CLSTN2: variants seen among roughly 807,000 people sequenced by gnomAD.
The protein encoded by CLSTN2 is calsyntenin 2, also known as calsyntenin-2.
Under a neutral mutation model 101.2 loss-of-function variants are expected in CLSTN2, and 48 were observed. That is an observed-to-expected ratio of 0.47 (90% CI 0.38 to 0.60). CLSTN2 has a LOEUF of 0.60. CLSTN2 is among the 20% of genes least tolerant of loss of function. The pLI, the probability that CLSTN2 is intolerant of heterozygous loss-of-function variation, is 0.00. For missense variants in CLSTN2, 1,160 were observed against 1,238.2 expected, an observed-to-expected ratio of 0.94 and a Z score of 0.95; for synonymous variants, 481 against 463.6, an observed-to-expected ratio of 1.04 and a Z score of -0.48.
At chr3:140,556,832 TCC>T in intron 11 of CLSTN2, 171 bp downstream of exon 11, 2 of 621,104 alleles carry the variant, frequency 3.2e-6, no homozygotes, top group East Asian at 2.8e-5. Context: ...CTTGTTTTCT[TCC>T]TAAGCAAGAT....
intron 1 of CLSTN2, among the ~76,000 whole-genome samples, chr3:140,134,635 A>G (rs2009572448): frequency 6.6e-6 from 1 of 152,146 alleles, no homozygotes; most frequent in African/African-American, 2.4e-5. Context: ...TCAGCTTAGG[A>G]GAGGATAACT....
chr3:140,432,914 T>G (rs1053903851), intron 5 of CLSTN2, among the ~76,000 whole-genome samples: 2 of 152,218 alleles, frequency 1.3e-5, no homozygotes, highest in East Asian at 1.9e-4. Context: ...GGGCATTCAT[T>G]GCATGCACGT....
intron 1 of CLSTN2, among the ~76,000 whole-genome samples, chr3:139,963,984 C>A (rs189008209): frequency 2.0e-5 from 3 of 152,188 alleles, no homozygotes; most frequent in Non-Finnish European, 2.9e-5. Context: ...CTGTCTCCCC[C>A]ACTCTCTCTA....
intron 2 of CLSTN2, among the ~76,000 whole-genome samples, chr3:140,288,928 C>G (rs1442089968): frequency 7.3e-6 from 1 of 137,652 alleles, no homozygotes; most frequent in East Asian, 2.0e-4. Context: ...GGGCAGCCTC[C>G]CCAGACACTC....
intron 2 of CLSTN2, among the ~76,000 whole-genome samples, chr3:140,200,781 C>G (rs1165693242): frequency 2.6e-5 from 4 of 152,140 alleles, no homozygotes; most frequent in Admixed American, 2.6e-4. Flanking sequence ...CCTTGCTGGT[C>G]TTTACTCTTG....
At chr3:140,553,257 A>G (rs1463962920) in intron 10 of CLSTN2, among the ~76,000 whole-genome samples, 2 of 152,292 alleles carry the variant, frequency 1.3e-5, no homozygotes, top group South Asian at 2.1e-4. Flanking sequence ...CAGTGCTGGC[A>G]TAATTACAAT....
At position 140,374,218 on chromosome 3, in the gene CLSTN2, C is replaced by T. The variant is rs75814035; in HGVS notation, c.233-29411C>T. On this transcript the variant is annotated intron_variant, in intron 2 of 16. Coordinates refer to ENST00000458420, the MANE Select transcript of CLSTN2 (RefSeq NM_022131.3). The stretch of plus-strand genomic sequence containing the variant: ...CCTGATTTACTGTTTAATTCTGTGA[C>T]CTTAAATTCTATGACAGAAGCCAGG... 8.0e-3 allele frequency among the ~76,000 whole-genome samples: 1,213 copies of T among 152,298 alleles called. 14 individuals carry two copies. Among genetic ancestry groups the T allele is most frequent in the African/African-American group, 0.026 (1,089 of 41,560 alleles).
intron 1 of CLSTN2, among the ~76,000 whole-genome samples, chr3:140,031,227 T>C (rs2007539993): frequency 6.6e-6 from 1 of 152,208 alleles, no homozygotes. Flanking sequence ...GGACTTCACA[T>C]GCAGAATGTG....
At chr3:140,366,612 T>G (rs1289174023) in intron 2 of CLSTN2, among the ~76,000 whole-genome samples, 2 of 152,182 alleles carry the variant, frequency 1.3e-5, no homozygotes, top group Non-Finnish European at 2.9e-5. Context: ...CTGCCTTTCC[T>G]GGGCCTTCAC....
intron 1 of CLSTN2, among the ~76,000 whole-genome samples, chr3:140,173,561 A>G (rs1193449511): frequency 6.6e-6 from 1 of 152,172 alleles, no homozygotes; most frequent in Non-Finnish European, 1.5e-5. Flanking sequence ...CCGACCCCAC[A>G]TTTCCCTTCT....
At chr3:140,148,366 A>T (rs2009813098) in intron 1 of CLSTN2, among the ~76,000 whole-genome samples, 1 of 152,230 alleles carries the variant, frequency 6.6e-6, no homozygotes, top group Non-Finnish European at 1.5e-5. Flanking sequence ...GGGATTTGTT[A>T]AAGCAGTTCT....
At chr3:140,473,828 G>A (rs1476535800) in intron 8 of CLSTN2, among the ~76,000 whole-genome samples, 1 of 152,014 alleles carries the variant, frequency 6.6e-6, no homozygotes, top group Non-Finnish European at 1.5e-5. Context: ...TGCGATCTTG[G>A]CTCACTGTAA....
intron 1 of CLSTN2, among the ~76,000 whole-genome samples, chr3:140,138,277 A>T (rs2009644973): frequency 6.6e-6 from 1 of 152,200 alleles, no homozygotes; most frequent in East Asian, 1.9e-4. Context: ...GGGACAGCTT[A>T]AAAAGGGGGG....
chr3:140,276,728 A>C (rs4263252), intron 2 of CLSTN2, among the ~76,000 whole-genome samples: 145,169 of 152,276 alleles, frequency 0.95, 69,378 homozygotes, highest in Non-Finnish European at 0.99. Flanking sequence ...TCCTGGGAAT[A>C]TCCTCAGTCC....
At chr3:140,207,860 C>T (rs1269451163) in intron 2 of CLSTN2, among the ~76,000 whole-genome samples, 3 of 152,134 alleles carry the variant, frequency 2.0e-5, no homozygotes, top group African/African-American at 7.2e-5. Flanking sequence ...GTTTGACAAG[C>T]AAAGTTGCTG....
intron 1 of CLSTN2, among the ~76,000 whole-genome samples, chr3:140,157,317 A>T (rs1262295655): frequency 6.6e-6 from 1 of 151,992 alleles, no homozygotes; most frequent in Non-Finnish European, 1.5e-5. Flanking sequence ...GATTGTTACC[A>T]GTTCTTCTTC....
chr3:140,508,638 TCC>T (rs1934732083), intron 8 of CLSTN2: 3 of 152,184 alleles, frequency 2.0e-5, no homozygotes, highest in Non-Finnish European at 2.9e-5. Flanking sequence ...GGAGAAATAT[TCC>T]CTTTCCTAAT....
chr3:139,993,594 C>T (rs1260092258), intron 1 of CLSTN2, among the ~76,000 whole-genome samples: 1 of 152,154 alleles, frequency 6.6e-6, no homozygotes, highest in Admixed American at 6.5e-5. Context: ...TATCTCACCC[C>T]CTGCACTCCA....
chr3:140,281,608 A>C (rs537505725), intron 2 of CLSTN2, among the ~76,000 whole-genome samples: 1 of 152,150 alleles, frequency 6.6e-6, no homozygotes, highest in Admixed American at 6.6e-5. Flanking sequence ...TTCATAGTGC[A>C]CTGGCTGAGA....
Sources: gnomAD v4.1 joint callset for allele counts (sites outside exome capture counted in the v4.1 genomes callset) on GRCh38, gnomAD v4.1.1 for gene constraint, MANE v1.5 for transcripts, NCBI Gene and HGNC (gene_info 2026-07-23, HGNC 2026-07-21) for gene names.